The following BEND3 variants were observed in gnomAD, a reference collection of about 807,000 sequenced individuals.
BEND3 encodes BEN domain containing 3.
In BEND3, 13 loss-of-function variants were observed where a neutral mutation model predicts 60.1. That is an observed-to-expected ratio of 0.22 (90% confidence interval 0.14 to 0.34). BEND3 has a LOEUF of 0.34. Ranked by LOEUF, BEND3 falls within the 10% of genes least tolerant of loss-of-function variation. The pLI, the probability that BEND3 is intolerant of heterozygous loss-of-function variation, is 1.00. For missense variants in BEND3, 896 were observed against 1,138.1 expected (o/e 0.79, Z 3.06); for synonymous variants, 497 against 491.5 (o/e 1.01, Z -0.15).
intron 3 of BEND3, among the ~76,000 whole-genome samples, chr6:107,090,103 C>T (rs1775443293): frequency 6.6e-6 from 1 of 152,050 alleles, no homozygotes; most frequent in African/African-American, 2.4e-5. Flanking sequence ...AATCCCAGCA[C>T]TTTGGGAGGC....
rs1285585340 is a variant in BEND3 at position 107,085,225 on chromosome 6, G to C, written c.240+13326C>G. On this transcript the variant is annotated intron_variant, in intron 3 of 3. Transcript: ENST00000369042. The stretch of plus-strand genomic sequence containing the variant: ...CTCCCAACACATCTGAACATCTGAA[G>C]GAACAAACTCTGGACACACCATCTT... 2.0e-5 allele frequency among the ~76,000 whole-genome samples: 3 copies of C among 152,126 alleles called. No homozygotes were observed. In the East Asian group the frequency reaches 5.8e-4, roughly 29 times the overall value.
intron 3 of BEND3, among the ~76,000 whole-genome samples, chr6:107,073,170 C>A (rs1775018563): frequency 7.6e-6 from 1 of 132,134 alleles, no homozygotes; most frequent in African/African-American, 2.9e-5. Flanking sequence ...ACAGAGCTGG[C>A]CAATACTTCC....
intron 1 of BEND3, among the ~76,000 whole-genome samples, chr6:107,101,724 C>G (rs1184216271): frequency 6.6e-6 from 1 of 152,198 alleles, no homozygotes; most frequent in Non-Finnish European, 1.5e-5. Flanking sequence ...GGATCGCCAT[C>G]ATCTGAGCTG....
chr6:107,078,009 G>A (rs868950251), intron 3 of BEND3, among the ~76,000 whole-genome samples: 32 of 152,138 alleles, frequency 2.1e-4, no homozygotes. Context: ...CCCCACTTCT[G>A]TGAACAAAAA....
At chr6:107,110,962 G>A (rs941469161) in intron 1 of BEND3, among the ~76,000 whole-genome samples, 6 of 151,206 alleles carry the variant, frequency 4.0e-5, no homozygotes, top group Non-Finnish European at 7.4e-5. Context: ...TCAGGAGTTC[G>A]AGACCAGCCT....
At position 107,069,441 on chromosome 6, in the gene BEND3, C is replaced by G. The variant is rs782517357; in HGVS notation, c.1750G>C (p.Glu584Gln). ...ASRLLVHLFPELFTHENLRKQ... is the reference protein window; with the variant it reads ...ASRLLVHLFPQLFTHENLRKQ... ...CGCAGGTTCTCGTGCGTGAAGAGCT[C>G]GGGGAACAGGTGCACCAGCAGGCGC... The change falls in exon 4 of 4, where the codon GAG becomes CAG. Residue 584 changes from glutamate (E) to glutamine (Q), a missense_variant. Coordinates refer to ENST00000369042, the MANE Select transcript of BEND3 (RefSeq NM_001367314.1). 4.3e-6 allele frequency: 7 copies of G among 1,612,476 alleles called. No homozygotes were observed. The highest frequency in any genetic ancestry group is 5.9e-6 in the Non-Finnish European group (7 of 1,180,024).
intron 2 of BEND3, among the ~76,000 whole-genome samples, 153 bp from the exon 3 acceptor site, chr6:107,098,906 G>C (rs966805): frequency 0.39 from 59,727 of 151,962 alleles, 12,378 homozygotes; most frequent in Non-Finnish European, 0.48. Context: ...GCTTTCCAAC[G>C]ATGCAATCTT....
chr6:107,100,375 C>A, intron 1 of BEND3, among the ~76,000 whole-genome samples: 1 of 152,156 alleles, frequency 6.6e-6, no homozygotes, highest in East Asian at 1.9e-4. Context: ...CCAAGTGATT[C>A]TCCTGCCTCT....
In BEND3 at chr6:107,067,262, G is replaced by T. The variant is rs1774852054; in HGVS notation, c.*1442C>A. 1 of 152,212 alleles carries T rather than the reference G, an allele frequency of 6.6e-6. No individual in the cohort carries two copies. The highest frequency in any genetic ancestry group is 6.5e-5 in the Admixed American group (1 of 15,276). The allele number at this position is 152,212 out of a possible 1,614,324, so 9.4% of individuals were successfully genotyped here. A position where few individuals can be genotyped will look rare whatever the true frequency, so the allele number is the denominator to read the frequency against. Reference sequence around the variant, plus strand: ...CCCACAGGGGTTCTATGACTACCCTGTGTGATTCAATAAATTTTCCAGGAC... The same window carrying T: ...CCCACAGGGGTTCTATGACTACCCTTTGTGATTCAATAAATTTTCCAGGAC... On this transcript the variant is annotated 3_prime_UTR_variant, in exon 4 of 4. Coordinates refer to ENST00000369042, the MANE Select transcript of BEND3 (RefSeq NM_001367314.1).
At chr6:107,074,800 G>A (rs1275893621) in intron 3 of BEND3, among the ~76,000 whole-genome samples, 1 of 151,980 alleles carries the variant, frequency 6.6e-6, no homozygotes, top group Non-Finnish European at 1.5e-5. Flanking sequence ...ACTGATTTTG[G>A]TGGATCGTGA....
intron 1 of BEND3, among the ~76,000 whole-genome samples, chr6:107,103,108 A>G (rs1324827481): frequency 6.6e-6 from 1 of 152,180 alleles, no homozygotes; most frequent in Non-Finnish European, 1.5e-5. Flanking sequence ...AGCACTCTGG[A>G]AAGTCAGTCT....
In BEND3 at chr6:107,066,342, G is replaced by A. The variant is rs1267170880; in HGVS notation, c.*2362C>T. ...CAAGGACCTGCAGGCGTTTCCTGACGACAGTCCAGAGATGGTGAGAGTTCC... is the reference window on the plus strand; with the variant it reads ...CAAGGACCTGCAGGCGTTTCCTGACAACAGTCCAGAGATGGTGAGAGTTCC... On this transcript the variant is annotated 3_prime_UTR_variant, in exon 4 of 4. Coordinates refer to ENST00000369042, the MANE Select transcript of BEND3 (RefSeq NM_001367314.1). 8 of 152,500 alleles carry A rather than the reference G, an allele frequency of 5.2e-5. No individual in the cohort carries two copies. The highest frequency in any genetic ancestry group is 1.3e-4 in the Admixed American group (2 of 15,278). The allele number at this position is 152,500 out of a possible 1,614,324, so 9.4% of individuals were successfully genotyped here.
rs782210244 is a variant in BEND3 at position 107,069,674 on chromosome 6, T to C, written c.1517A>G (p.Asp506Gly). 1 of 1,609,646 alleles carries C rather than the reference T, an allele frequency of 6.2e-7. No individual in the cohort carries two copies. Among genetic ancestry groups the C allele is most frequent in the Non-Finnish European group, 8.5e-7 (1 of 1,179,990 alleles). ...CTCCACCTTGACCACTGAGATGTCGTCGGGCAGACTGGAGGAGTCGTAGCA... is the reference window on the plus strand; with the variant it reads ...CTCCACCTTGACCACTGAGATGTCGCCGGGCAGACTGGAGGAGTCGTAGCA... Reference protein sequence around the residue: ...DDCYDSSSLPDDISVVKVEDS... With the variant: ...DDCYDSSSLPGDISVVKVEDS... The change falls in exon 4 of 4, where the codon GAC becomes GGC. Residue 506 changes from aspartate (D) to glycine (G), a missense_variant. Physicochemically the swap from Asp to Gly is moderately conservative, Grantham distance 94. Transcript: ENST00000369042.
At chr6:107,095,820 T>A (rs943646074) in intron 3 of BEND3, among the ~76,000 whole-genome samples, 5 of 152,212 alleles carry the variant, frequency 3.3e-5, no homozygotes, top group Non-Finnish European at 5.9e-5. Context: ...TGATTCCAAC[T>A]TCACGACATT....
intron 3 of BEND3, 37 bp downstream of exon 3, chr6:107,098,514 G>C (rs988106558): frequency 1.9e-6 from 3 of 1,599,182 alleles, no homozygotes; most frequent in South Asian, 1.1e-5. Flanking sequence ...GAGAGGGTTA[G>C]AGCCCAAGCA....
chr6:107,087,015 ACT>A (rs1775363307), intron 3 of BEND3, among the ~76,000 whole-genome samples: 1 of 136,508 alleles, frequency 7.3e-6, no homozygotes, highest in African/African-American at 2.8e-5. Context: ...ACAGAGCAAG[ACT>A]CTGTCTAAAA....
intron 1 of BEND3, among the ~76,000 whole-genome samples, chr6:107,104,507 A>G (rs1775773338): frequency 6.6e-6 from 1 of 152,088 alleles, no homozygotes; most frequent in Admixed American, 6.6e-5. Flanking sequence ...ACAGATGTTC[A>G]AGTCCCTGAT....
intron 1 of BEND3, among the ~76,000 whole-genome samples, chr6:107,107,421 C>T (rs1315574030): frequency 8.1e-6 from 1 of 123,778 alleles, no homozygotes. Context: ...TATTATAAAG[C>T]TTCTTTTTTT....
chr6:107,079,770 C>T (rs1775184800), intron 3 of BEND3, among the ~76,000 whole-genome samples: 1 of 152,166 alleles, frequency 6.6e-6, no homozygotes, highest in Non-Finnish European at 1.5e-5. Context: ...AACTTACATG[C>T]CTGAGTTTGC....
Sources: allele counts gnomAD v4.1 joint callset (sites outside exome capture counted in the v4.1 genomes callset), GRCh38; gene constraint gnomAD v4.1.1; transcripts MANE v1.5; gene names NCBI Gene and HGNC (gene_info 2026-07-23, HGNC 2026-07-21).